OR56A3: variants seen among roughly 807,000 people sequenced by gnomAD.
OR56A3 encodes the protein olfactory receptor 56A3.
Under a neutral mutation model 17.5 loss-of-function variants are expected in OR56A3, and 23 were observed. The ratio of observed to expected loss-of-function variants is 1.32; its 90% CI spans 0.95 to 1.87. The LOEUF (loss-of-function observed/expected upper bound fraction) is 1.87, where lower values mean the gene tolerates loss of function less well. OR56A3 is among the 40% of genes most tolerant of loss of function. The pLI, the probability that OR56A3 is intolerant of heterozygous loss-of-function variation, is 0.00. For synonymous variants in OR56A3, 175 were observed against 150.6 expected (o/e 1.16, Z -1.19); for missense variants, 366 against 380.1 (o/e 0.96, Z 0.31).
At chr11:5,977,372 A>G in the OR56A3 span, among the ~76,000 whole-genome samples, 1 of 152,164 alleles carries the variant, frequency 6.6e-6, no homozygotes, top group Non-Finnish European at 1.5e-5. Flanking sequence ...TCTTGCCACT[A>G]TCTGTTACTT....
the OR56A3 span, chr11:5,994,971 C>G: frequency 1.4e-6 from 1 of 710,838 alleles, no homozygotes; most frequent in South Asian, 1.4e-5. Context: ...ATCCCTGCAG[C>G]CAGGCGCCCG....
chr11:5,962,191 A>C, the OR56A3 span, among the ~76,000 whole-genome samples: 1 of 152,240 alleles, frequency 6.6e-6, no homozygotes, highest in Non-Finnish European at 1.5e-5. Context: ...TATTACATTT[A>C]ATTGATTTGC....
the OR56A3 span, chr11:5,968,557 G>A: frequency 3.4e-6 from 4 of 1,180,444 alleles, no homozygotes; most frequent in African/African-American, 6.2e-5. Context: ...ACAGGAATTA[G>A]AAATAGAAAA....
chr11:5,986,585 G>A, the OR56A3 span: 7 of 1,613,880 alleles, frequency 4.3e-6, no homozygotes, highest in Non-Finnish European at 5.9e-6. Context: ...ATCTGGATCA[G>A]GCAGACGATG....
At chr11:5,945,277 G>A (rs529461104) in intron 2 of OR56A3, among the ~76,000 whole-genome samples, 195 bp downstream of exon 2, 1 of 152,174 alleles carries the variant, frequency 6.6e-6, no homozygotes, top group African/African-American at 2.4e-5. Context: ...GTATAATAGA[G>A]TTATTTATTG....
intron 2 of OR56A3, 32 bp from the exon 3 acceptor site, chr11:5,947,279 T>C: frequency 7.3e-7 from 1 of 1,377,464 alleles, no homozygotes; most frequent in Non-Finnish European, 9.9e-7. Flanking sequence ...GTATCAAGAA[T>C]CCACAGCTAG....
the OR56A3 span, chr11:6,020,372 G>A: frequency 6.6e-6 from 1 of 152,086 alleles, no homozygotes; most frequent in South Asian, 2.1e-4. Context: ...GACTGGAATA[G>A]CATTGAATCT....
At chr11:6,002,895 G>A in the OR56A3 span, 116 of 1,614,060 alleles carry the variant, frequency 7.2e-5, no homozygotes, top group Middle Eastern at 1.2e-3. Flanking sequence ...AAGGCTGAGG[G>A]GCAGAGACAA....
the OR56A3 span, among the ~76,000 whole-genome samples, chr11:6,015,845 CT>C: frequency 1.3e-5 from 2 of 152,112 alleles, no homozygotes; most frequent in Non-Finnish European, 2.9e-5. Context: ...CTAGGCTCGT[CT>C]TAAATGTGAC....
the OR56A3 span, among the ~76,000 whole-genome samples, chr11:5,990,221 A>G: frequency 2.0e-5 from 3 of 152,222 alleles, no homozygotes; most frequent in African/African-American, 7.2e-5. Flanking sequence ...GAATAAGTAA[A>G]CACTCATATT....
chr11:5,960,749 C>T, the OR56A3 span, among the ~76,000 whole-genome samples: 2 of 151,966 alleles, frequency 1.3e-5, no homozygotes, highest in Non-Finnish European at 2.9e-5. Context: ...GCCCCTCTGC[C>T]CGGCAGCCCA....
the OR56A3 span, among the ~76,000 whole-genome samples, chr11:5,963,095 T>A: frequency 6.6e-6 from 1 of 152,164 alleles, no homozygotes; most frequent in Admixed American, 6.5e-5. Context: ...TTTCTTAGTT[T>A]AGCTAAAGGC....
In OR56A3 at chr11:5,948,331, T is replaced by A; in HGVS notation, c.*37T>A. On this transcript the variant is annotated 3_prime_UTR_variant, in exon 3 of 3. Transcript: ENST00000641160. ...GGATCTCTGAATATCTAAAATAAGATAATTTATTAATCACTTAATGAGTGA... is the reference window on the plus strand; with the variant it reads ...GGATCTCTGAATATCTAAAATAAGAAAATTTATTAATCACTTAATGAGTGA... The A allele has an allele frequency of 7.1e-7, 1 of 1,406,168 alleles. No individual in the cohort carries two copies. Among genetic ancestry groups the A allele is most frequent in the Non-Finnish European group, 9.9e-7 (1 of 1,007,268 alleles). 87.1% of individuals were successfully genotyped at this position (1,406,168 alleles called of 1,614,324 possible). A position where few individuals can be genotyped will look rare whatever the true frequency, so the allele number is the denominator to read the frequency against.
the OR56A3 span, among the ~76,000 whole-genome samples, chr11:5,969,933 A>ATTT: frequency 4.3e-5 from 1 of 23,446 alleles, no homozygotes; most frequent in Non-Finnish European, 7.5e-5. Flanking sequence ...AAAGACAGTG[A>ATTT]GACTAGTTGC....
chr11:5,982,588 A>T, the OR56A3 span, among the ~76,000 whole-genome samples: 1 of 152,132 alleles, frequency 6.6e-6, no homozygotes, highest in Admixed American at 6.5e-5. Flanking sequence ...CACAGGCAAG[A>T]TATCCCTGTT....
chr11:5,966,179 T>A, the OR56A3 span, among the ~76,000 whole-genome samples: 1 of 124,968 alleles, frequency 8.0e-6, no homozygotes, highest in African/African-American at 3.1e-5. Flanking sequence ...AAGACCAACC[T>A]CAGCAACATG....
the OR56A3 span, among the ~76,000 whole-genome samples, chr11:5,982,360 G>T: frequency 9.1e-4 from 138 of 152,292 alleles, no homozygotes; most frequent in African/African-American, 3.2e-3. Flanking sequence ...AGCAGTGGGG[G>T]CAGGGTGCAG....
the OR56A3 span, among the ~76,000 whole-genome samples, chr11:5,968,811 A>G: frequency 7.9e-5 from 12 of 152,338 alleles, no homozygotes; most frequent in African/African-American, 2.9e-4. Flanking sequence ...AATTATACTG[A>G]CAAAGCAAAT....
At chr11:5,990,577 A>G in the OR56A3 span, among the ~76,000 whole-genome samples, 2 of 152,154 alleles carry the variant, frequency 1.3e-5, no homozygotes, top group African/African-American at 4.8e-5. Flanking sequence ...TCTCTCCTCA[A>G]TCTCCTTCTT....
Sources: allele counts gnomAD v4.1 joint callset (sites outside exome capture counted in the v4.1 genomes callset), GRCh38; gene constraint gnomAD v4.1.1; transcripts MANE v1.5; gene names NCBI Gene and HGNC (gene_info 2026-07-23, HGNC 2026-07-21).